Variants in ABTB3 observed in about 807,000 individuals in gnomAD.
The protein encoded by ABTB3 is ankyrin repeat and BTB domain containing 3.
At chr12:107,355,292 C>T in the ABTB3 span, among the ~76,000 whole-genome samples, 15 of 152,298 alleles carry the variant, frequency 9.8e-5, no homozygotes, top group African/African-American at 2.4e-4. Context: ...AATTTCTCTG[C>T]GTCGTGGCTC....
At chr12:107,466,247 G>A in the ABTB3 span, among the ~76,000 whole-genome samples, 43,662 of 151,630 alleles carry the variant, frequency 0.29, 6,536 homozygotes, top group African/African-American at 0.38. Flanking sequence ...GCAAGGAGAA[G>A]ACAGCAGTTG....
At chr12:107,446,311 G>A in the ABTB3 span, among the ~76,000 whole-genome samples, 4 of 152,180 alleles carry the variant, frequency 2.6e-5, no homozygotes, top group African/African-American at 9.7e-5. Flanking sequence ...TACCATGTCA[G>A]GTACCAGTCA....
chr12:107,367,462 G>A, the ABTB3 span, among the ~76,000 whole-genome samples: 1 of 151,696 alleles, frequency 6.6e-6, no homozygotes, highest in Non-Finnish European at 1.5e-5. Context: ...CATTATGCAA[G>A]GGCTCTCTCT....
the ABTB3 span, among the ~76,000 whole-genome samples, chr12:107,372,713 G>T: frequency 1.3e-5 from 2 of 151,874 alleles, no homozygotes; most frequent in Admixed American, 1.3e-4. Context: ...CTTCCCTCCG[G>T]GCTTTTCTCA....
At chr12:107,610,946 C>T in the ABTB3 span, among the ~76,000 whole-genome samples, 2 of 152,170 alleles carry the variant, frequency 1.3e-5, no homozygotes, top group African/African-American at 4.8e-5. Context: ...GTTATAAATG[C>T]AAGTCTCACA....
the ABTB3 span, among the ~76,000 whole-genome samples, chr12:107,638,746 T>C: frequency 2.6e-5 from 4 of 152,248 alleles, no homozygotes; most frequent in Non-Finnish European, 4.4e-5. Context: ...CATTCGTTTA[T>C]TCCTCACTAC....
the ABTB3 span, among the ~76,000 whole-genome samples, chr12:107,575,477 C>T: frequency 5.3e-5 from 8 of 152,218 alleles, no homozygotes; most frequent in African/African-American, 1.7e-4. Flanking sequence ...TTACCACACA[C>T]GGACGCTTAA....
chr12:107,481,006 C>T, the ABTB3 span, among the ~76,000 whole-genome samples: 2 of 152,186 alleles, frequency 1.3e-5, no homozygotes, highest in African/African-American at 2.4e-5. Flanking sequence ...AGTCAGCCTT[C>T]TTTAGAGCAG....
At chr12:107,638,222 C>T in the ABTB3 span, among the ~76,000 whole-genome samples, 2 of 152,054 alleles carry the variant, frequency 1.3e-5, no homozygotes, top group Non-Finnish European at 2.9e-5. Context: ...TCTGTACTGA[C>T]AGAGAAAGGT....
the ABTB3 span, chr12:107,635,340 A>AC: frequency 6.2e-7 from 1 of 1,613,814 alleles, no homozygotes; most frequent in East Asian, 2.2e-5. Context: ...TACGGGCCCT[A>AC]CCCCATCCCC....
the ABTB3 span, among the ~76,000 whole-genome samples, chr12:107,549,277 A>G: frequency 6.6e-6 from 1 of 152,262 alleles, no homozygotes; most frequent in African/African-American, 2.4e-5. Flanking sequence ...GCAGTGAATG[A>G]CAACCAAATA....
At chr12:107,579,325 G>C in the ABTB3 span, among the ~76,000 whole-genome samples, 1 of 152,202 alleles carries the variant, frequency 6.6e-6, no homozygotes, top group East Asian at 1.9e-4. Flanking sequence ...AGTTGGACAA[G>C]AGAATGTCAA....
At chr12:107,333,109 C>T in the ABTB3 span, among the ~76,000 whole-genome samples, 1 of 152,164 alleles carries the variant, frequency 6.6e-6, no homozygotes, top group Non-Finnish European at 1.5e-5. Flanking sequence ...ATCCCTGCTG[C>T]TTTCACCCCC....
the ABTB3 span, among the ~76,000 whole-genome samples, chr12:107,364,204 T>A: frequency 6.6e-6 from 1 of 152,196 alleles, no homozygotes; most frequent in African/African-American, 2.4e-5. Flanking sequence ...AGCCCCTTCA[T>A]ATCAACATGC....
the ABTB3 span, among the ~76,000 whole-genome samples, chr12:107,538,749 G>A: frequency 2.0e-5 from 3 of 152,156 alleles, no homozygotes; most frequent in African/African-American, 7.2e-5. Flanking sequence ...ACACCAATGG[G>A]GTAGACTCTG....
chr12:107,484,923 G>A, the ABTB3 span, among the ~76,000 whole-genome samples: 2 of 152,198 alleles, frequency 1.3e-5, no homozygotes, highest in African/African-American at 4.8e-5. Flanking sequence ...GGACAGGGCA[G>A]AGATCAGCAG....
At chr12:107,644,280 G>A in the ABTB3 span, among the ~76,000 whole-genome samples, 2 of 152,154 alleles carry the variant, frequency 1.3e-5, no homozygotes, top group Non-Finnish European at 2.9e-5. Context: ...TGTAAGGCTC[G>A]AAGCCAGTGG....
At chr12:107,602,796 G>A in the ABTB3 span, among the ~76,000 whole-genome samples, 31 of 152,226 alleles carry the variant, frequency 2.0e-4, no homozygotes, top group East Asian at 2.3e-3. Flanking sequence ...TCCCCGCCTC[G>A]GTGCCGCCTC....
the ABTB3 span, among the ~76,000 whole-genome samples, chr12:107,437,483 G>A: frequency 3.3e-5 from 5 of 151,174 alleles, no homozygotes; most frequent in East Asian, 5.9e-4. Flanking sequence ...TGCAACCTCC[G>A]CCTCCTGGGT....
Sources: gnomAD v4.1 joint callset for allele counts (sites outside exome capture counted in the v4.1 genomes callset) on GRCh38, gnomAD v4.1.1 for gene constraint, MANE v1.5 for transcripts, NCBI Gene and HGNC (gene_info 2026-07-23, HGNC 2026-07-21) for gene names.